The following RBMS3 variants were observed in gnomAD, a reference collection of about 807,000 sequenced individuals.
RBMS3 encodes the protein RNA binding motif single stranded interacting protein 3.
A neutral mutation model predicts 66.8 loss-of-function variants in RBMS3; 27 were observed. That is an observed-to-expected ratio of 0.40 (90% CI 0.30 to 0.56). The LOEUF (loss-of-function observed/expected upper bound fraction) is 0.56. RBMS3 is among the 20% of genes least tolerant of loss of function. The pLI is 0.40. For synonymous variants in RBMS3, 188 were observed against 183.0 expected (o/e 1.03, Z -0.22); for missense variants, 513 against 549.5 (o/e 0.93, Z 0.66).
chr3:29,805,288 A>T (rs959318463), intron 6 of RBMS3, among the ~76,000 whole-genome samples: 2 of 152,094 alleles, frequency 1.3e-5, no homozygotes, highest in African/African-American at 4.8e-5. Context: ...ATAAAAGTAT[A>T]GCAATACAAT....
At chr3:29,394,755 C>T (rs1214117927) in intron 1 of RBMS3, among the ~76,000 whole-genome samples, 3 of 152,184 alleles carry the variant, frequency 2.0e-5, no homozygotes, top group African/African-American at 7.2e-5. Flanking sequence ...GCCTCTAAGG[C>T]CCTCTGTGAT....
rs979124937 is a variant in RBMS3 at position 30,009,740 on chromosome 3, C to T, written c.*5878C>T. The T allele has an allele frequency of 6.6e-6, 1 of 152,098 alleles. No homozygotes were observed. The highest frequency in any genetic ancestry group is 6.6e-5 in the Admixed American group (1 of 15,260). The allele number at this position is 152,098 out of a possible 1,614,324, so 9.4% of individuals were successfully genotyped here. A position where few individuals can be genotyped will look rare whatever the true frequency, so the allele number is the denominator to read the frequency against. On this transcript the variant is annotated 3_prime_UTR_variant, in exon 15 of 15. Coordinates refer to ENST00000383767, the MANE Select transcript of RBMS3 (RefSeq NM_001003793.3). The stretch of plus-strand genomic sequence containing the variant: ...TTATTAAGGCCGAATGACTTTGACA[C>T]CCCCGTGGATTATTTTTATGATCAC...
intron 4 of RBMS3, among the ~76,000 whole-genome samples, chr3:29,642,199 C>T (rs902899167): frequency 6.6e-6 from 1 of 151,966 alleles, no homozygotes; most frequent in Non-Finnish European, 1.5e-5. Flanking sequence ...ATGAACTAGC[C>T]CAAGAGTTTG....
intron 14 of RBMS3, among the ~76,000 whole-genome samples, chr3:29,993,697 A>C (rs534233988): frequency 2.0e-5 from 3 of 152,164 alleles, no homozygotes; most frequent in Non-Finnish European, 4.4e-5. Flanking sequence ...TTTGAACTTA[A>C]ACAAAAATAT....
chr3:29,308,030 C>T (rs537237268), intron 1 of RBMS3, among the ~76,000 whole-genome samples: 1 of 151,962 alleles, frequency 6.6e-6, no homozygotes, highest in African/African-American at 2.4e-5. Flanking sequence ...CACTAGATTC[C>T]TCACCACTAA....
chr3:29,998,330 G>A (rs1699386711), intron 14 of RBMS3, among the ~76,000 whole-genome samples: 1 of 152,092 alleles, frequency 6.6e-6, no homozygotes, highest in South Asian at 2.1e-4. Context: ...CGTGAAATTG[G>A]CCATACTGCC....
At chr3:29,626,916 A>G (rs1203508045) in intron 4 of RBMS3, among the ~76,000 whole-genome samples, 1 of 152,180 alleles carries the variant, frequency 6.6e-6, no homozygotes, top group Non-Finnish European at 1.5e-5. Context: ...GTGAGTAAGT[A>G]TATGCAAAGT....
chr3:29,476,005 C>T (rs2042935081), intron 2 of RBMS3, among the ~76,000 whole-genome samples: 1 of 152,144 alleles, frequency 6.6e-6, no homozygotes, highest in South Asian at 2.1e-4. Flanking sequence ...AACAAAAAGG[C>T]ATCCTAGGTG....
chr3:29,673,423 C>A (rs1246999003), intron 4 of RBMS3, among the ~76,000 whole-genome samples: 1 of 146,884 alleles, frequency 6.8e-6, no homozygotes, highest in Non-Finnish European at 1.5e-5. Context: ...GAAATAGAGA[C>A]ACAAAAAACC....
At chr3:29,824,424 T>G (rs886763517) in intron 6 of RBMS3, among the ~76,000 whole-genome samples, 2 of 152,168 alleles carry the variant, frequency 1.3e-5, no homozygotes, top group African/African-American at 4.8e-5. Flanking sequence ...GCCACCCAGC[T>G]TATTGTTATA....
At chr3:29,682,561 T>G (rs897823243) in intron 4 of RBMS3, among the ~76,000 whole-genome samples, 19 of 152,138 alleles carry the variant, frequency 1.2e-4, no homozygotes, top group African/African-American at 4.1e-4. Flanking sequence ...GTACCAAGAT[T>G]TCTTACAGTT....
chr3:29,457,716 G>T (rs1199538154), intron 2 of RBMS3, among the ~76,000 whole-genome samples: 1 of 152,040 alleles, frequency 6.6e-6, no homozygotes, highest in Non-Finnish European at 1.5e-5. Context: ...AGTGAGATCA[G>T]TAACAACAAA....
intron 4 of RBMS3, chr3:29,614,630 C>A (rs1576363110): frequency 6.6e-6 from 1 of 152,078 alleles, no homozygotes; most frequent in Non-Finnish European, 1.5e-5. Context: ...AGCACGGGAA[C>A]AACTGGTTGA....
intron 1 of RBMS3, among the ~76,000 whole-genome samples, chr3:29,282,540 G>T (rs2031897901): frequency 6.6e-6 from 1 of 152,050 alleles, no homozygotes; most frequent in Non-Finnish European, 1.5e-5. Flanking sequence ...AGTAAGCAGT[G>T]GGCAGTACCT....
At chr3:29,413,688 A>AT (rs775490506) in intron 1 of RBMS3, among the ~76,000 whole-genome samples, 3 of 152,100 alleles carry the variant, frequency 2.0e-5, no homozygotes, top group Non-Finnish European at 4.4e-5. Flanking sequence ...ATAGGAGGTC[A>AT]TTTTTCCCTT....
In RBMS3 at chr3:29,884,465, TC is replaced by T. The variant is rs1559767333; in HGVS notation, c.791+258del. 1.2e-3 allele frequency among the ~76,000 whole-genome samples: 109 copies of T among 93,018 alleles called. 1 individual carries two copies. Among genetic ancestry groups the T allele is most frequent in the Non-Finnish European group, 2.2e-3 (89 of 39,796 alleles). The allele number at this position is 93,018 out of a possible 152,430, so 61.0% of individuals were successfully genotyped here. On this transcript the variant is annotated intron_variant, in intron 8 of 14. Coordinates refer to ENST00000383767, the MANE Select transcript of RBMS3 (RefSeq NM_001003793.3). ...CTCTCTCTCTCTCTCTCTCTCTCTC[TC>T]TCTCCCCCCCCGCTCCCTCCCTCCC...
chr3:29,946,273 A>G (rs1695299674), intron 12 of RBMS3, among the ~76,000 whole-genome samples: 1 of 151,732 alleles, frequency 6.6e-6, no homozygotes, highest in Admixed American at 6.6e-5. Context: ...TGAAACAGGC[A>G]ATAGCATTGT....
chr3:29,443,225 C>G (rs548773997), intron 2 of RBMS3, among the ~76,000 whole-genome samples: 10 of 152,154 alleles, frequency 6.6e-5, no homozygotes, highest in Non-Finnish European at 8.8e-5. Flanking sequence ...GAATCAATTT[C>G]CAAGACCTCA....
At chr3:29,797,798 A>G (rs542427746) in intron 6 of RBMS3, 1 of 152,286 alleles carries the variant, frequency 6.6e-6, no homozygotes. Context: ...GTAAATGCTA[A>G]TACAATGTTT....
Sources: allele counts gnomAD v4.1 joint callset (sites outside exome capture counted in the v4.1 genomes callset), GRCh38; gene constraint gnomAD v4.1.1; transcripts MANE v1.5; gene names NCBI Gene and HGNC (gene_info 2026-07-23, HGNC 2026-07-21).